Variants in LRP1B observed in about 807,000 individuals in gnomAD.
LRP1B encodes the protein LDL receptor related protein 1B, also known as low-density lipoprotein receptor-related protein 1B.
In LRP1B, 217 loss-of-function variants were observed where a neutral mutation model predicts 556.6. The observed-to-expected ratio is 0.39, with a 90% CI of 0.35 to 0.44. The LOEUF is 0.44. LRP1B is among the 20% of genes least tolerant of loss of function. LRP1B has a pLI of 1.00. For missense variants in LRP1B, 5,053 were observed against 5,620.8 expected (o/e 0.90, Z 3.23); for synonymous variants, 2,047 against 1,865.8 (o/e 1.10, Z -2.50).
chr2:140,868,326 T>C (rs2105157239), intron 25 of LRP1B, 63 bp from the exon 26 acceptor site: 1 of 1,426,776 alleles, frequency 7.0e-7, no homozygotes, highest in Non-Finnish European at 9.3e-7. Flanking sequence ...CACAGATATT[T>C]ATTGAGTGCC....
chr2:140,523,771 G>T lies in LRP1B; in HGVS notation c.8026+2073C>A, dbSNP rs186156920. On this transcript the variant is annotated intron_variant, in intron 49 of 90. Coordinates refer to ENST00000389484, the MANE Select transcript of LRP1B (RefSeq NM_018557.3). ...AAAAGCACAATCCCACTTACCATAC[G>T]CAAAAGAACGAAACTGGACTCCTAC... 9.9e-5 allele frequency among the ~76,000 whole-genome samples: 15 copies of T among 151,892 alleles called. No individual in the cohort carries two copies. The East Asian group carries it at 2.3e-3, about 24-fold the overall frequency.
intron 35 of LRP1B, among the ~76,000 whole-genome samples, chr2:140,751,921 G>A (rs1007875506): frequency 1.2e-4 from 19 of 152,122 alleles, no homozygotes; most frequent in African/African-American, 4.3e-4. Context: ...TACCCATGTA[G>A]GATATATATA....
chr2:142,071,387 A>G (rs1705304503), intron 1 of LRP1B, among the ~76,000 whole-genome samples: 1 of 151,986 alleles, frequency 6.6e-6, no homozygotes, highest in Non-Finnish European at 1.5e-5. Flanking sequence ...GTCATAGGCC[A>G]GTGGTCAGCA....
At chr2:141,222,557 C>A (rs1413174317) in intron 6 of LRP1B, among the ~76,000 whole-genome samples, 1 of 152,120 alleles carries the variant, frequency 6.6e-6, no homozygotes, top group Non-Finnish European at 1.5e-5. Context: ...GATACCAAAA[C>A]CTGACAGAGC....
At chr2:142,014,809 C>T (rs866753983) in intron 1 of LRP1B, among the ~76,000 whole-genome samples, 1 of 152,004 alleles carries the variant, frequency 6.6e-6, no homozygotes, top group African/African-American at 2.4e-5. Flanking sequence ...CATGGTGAGG[C>T]AGGAACAAGA....
chr2:140,930,556 T>C (rs758135385), intron 20 of LRP1B, among the ~76,000 whole-genome samples: 12 of 152,142 alleles, frequency 7.9e-5, no homozygotes, highest in Non-Finnish European at 1.6e-4. Flanking sequence ...TATATAAAAA[T>C]TGTTAAAGCC....
intron 35 of LRP1B, among the ~76,000 whole-genome samples, chr2:140,757,403 T>C (rs905375786): frequency 1.1e-4 from 17 of 152,154 alleles, no homozygotes; most frequent in African/African-American, 4.1e-4. Context: ...CAAATGTCTA[T>C]CAAATGATAA....
At chr2:140,407,961 A>T (rs1684816133) in intron 66 of LRP1B, among the ~76,000 whole-genome samples, 1 of 152,128 alleles carries the variant, frequency 6.6e-6, no homozygotes, top group African/African-American at 2.4e-5. Flanking sequence ...GGATAAAAAA[A>T]ATATGGCATA....
rs1463013678 is a variant in LRP1B at position 141,423,315 on chromosome 2, TTA to T, written c.343+57079_343+57080del. Among the ~76,000 whole-genome samples, 383 of 55,016 alleles carry T rather than the reference TTA, an allele frequency of 7.0e-3. 12 individuals are homozygous for T. Among genetic ancestry groups the T allele is most frequent in the South Asian group, 0.015 (14 of 924 alleles). 36.1% of individuals were successfully genotyped at this position (55,016 alleles called of 152,430 possible). On this transcript the variant is annotated intron_variant, in intron 3 of 90. Transcript: ENST00000389484. Reference sequence around the variant, plus strand: ...CTTTTTTTTTTTTTTTTTTTTTTTTTTAAGGGCAAATATTTCCCACACTTGAT... The same window carrying T: ...CTTTTTTTTTTTTTTTTTTTTTTTTTAGGGCAAATATTTCCCACACTTGAT...
At chr2:142,096,605 T>C (rs1289884981) in intron 1 of LRP1B, among the ~76,000 whole-genome samples, 1 of 151,676 alleles carries the variant, frequency 6.6e-6, no homozygotes. Flanking sequence ...TTATTGGCTA[T>C]GAAACTAAAT....
chr2:141,171,115 C>T (rs752333460), intron 7 of LRP1B, among the ~76,000 whole-genome samples: 46 of 152,028 alleles, frequency 3.0e-4, no homozygotes, highest in Non-Finnish European at 5.3e-4. Context: ...CTGGCAGTTT[C>T]TCCTATCATT....
At position 141,039,282 on chromosome 2, in the gene LRP1B, T is replaced by C. The variant is rs1018366767; in HGVS notation, c.1789+9704A>G. 2.6e-5 allele frequency among the ~76,000 whole-genome samples: 4 copies of C among 152,214 alleles called. No individual in the cohort carries two copies. The East Asian group carries it at 7.7e-4, about 29-fold the overall frequency. On this transcript the variant is annotated intron_variant, in intron 11 of 90. Transcript: ENST00000389484. ...GGTATTTTGAGAGACAGAGACTACA[T>C]GCACATAACATTTATTATAGCATGT...
At chr2:141,737,976 A>T (rs529530580) in intron 2 of LRP1B, among the ~76,000 whole-genome samples, 1 of 152,224 alleles carries the variant, frequency 6.6e-6, no homozygotes, top group South Asian at 2.1e-4. Flanking sequence ...TAGTTTTAAA[A>T]TTCAGTTAGA....
intron 32 of LRP1B, among the ~76,000 whole-genome samples, chr2:140,802,193 G>A (rs1251107937): frequency 6.6e-6 from 1 of 152,032 alleles, no homozygotes; most frequent in Non-Finnish European, 1.5e-5. Context: ...ATTCTCTTGG[G>A]GGAATTAAGG....
chr2:141,726,156 G>A (rs1472025139), intron 2 of LRP1B, among the ~76,000 whole-genome samples: 2 of 150,512 alleles, frequency 1.3e-5, no homozygotes, highest in South Asian at 2.1e-4. Context: ...ATAATAAATG[G>A]CATGAAAATA....
chr2:140,881,813 A>G (rs1401751774), intron 25 of LRP1B, among the ~76,000 whole-genome samples: 1 of 152,240 alleles, frequency 6.6e-6, no homozygotes, highest in East Asian at 1.9e-4. Context: ...GATATTTCAC[A>G]CTGAAATCAT....
At chr2:141,515,570 G>GA (rs71887164) in intron 2 of LRP1B, among the ~76,000 whole-genome samples, 147,864 of 152,058 alleles carry the variant, frequency 0.97, 72,022 homozygotes, top group East Asian at 1. Context: ...TTGCCAATAA[G>GA]AAAATTGACA....
intron 7 of LRP1B, among the ~76,000 whole-genome samples, chr2:141,138,848 A>G (rs1260679633): frequency 6.6e-6 from 1 of 151,902 alleles, no homozygotes; most frequent in African/African-American, 2.4e-5. Flanking sequence ...CTTTCTGTAA[A>G]TATTGGGAAA....
At chr2:142,090,665 A>T (rs1218320628) in intron 1 of LRP1B, among the ~76,000 whole-genome samples, 1 of 152,144 alleles carries the variant, frequency 6.6e-6, no homozygotes, top group Non-Finnish European at 1.5e-5. Context: ...TGAAACAAGA[A>T]TATGCAAGTT....
Sources: gnomAD v4.1 joint callset for allele counts (sites outside exome capture counted in the v4.1 genomes callset) on GRCh38, gnomAD v4.1.1 for gene constraint, MANE v1.5 for transcripts, NCBI Gene and HGNC (gene_info 2026-07-23, HGNC 2026-07-21) for gene names.